The following MGAT5 variants were observed in gnomAD, a reference collection of about 807,000 sequenced individuals.
MGAT5 encodes alpha-1,6-mannosylglycoprotein 6-beta-N-acetylglucosaminyltransferase, also known as alpha-1,6-mannosylglycoprotein 6-beta-N-acetylglucosaminyltransferase A.
MGAT5 carries 30 observed loss-of-function variants against 94.3 expected under a neutral mutation model. The observed-to-expected ratio is 0.32, with a 90% CI of 0.24 to 0.43. The LOEUF is 0.43. Ranked by LOEUF, MGAT5 falls within the 20% of genes least tolerant of loss-of-function variation. The pLI is 1.00. For missense variants in MGAT5, 691 were observed against 905.5 expected (o/e 0.76, Z 3.04); for synonymous variants, 310 against 322.9 (o/e 0.96, Z 0.43).
At chr2:134,366,686 G>A (rs181797121) in intron 10 of MGAT5, among the ~76,000 whole-genome samples, 193 of 152,290 alleles carry the variant, frequency 1.3e-3, no homozygotes, top group Non-Finnish European at 2.0e-3. Context: ...GCAGACTCTG[G>A]TTCATACCTG....
At chr2:134,422,188 T>C (rs1684340489) in intron 12 of MGAT5, among the ~76,000 whole-genome samples, 1 of 152,144 alleles carries the variant, frequency 6.6e-6, no homozygotes, top group African/African-American at 2.4e-5. Flanking sequence ...ACTTCATGAA[T>C]TCAGAATTGT....
At chr2:134,120,697 G>A (rs1158595306) in intron 1 of MGAT5, among the ~76,000 whole-genome samples, 1 of 151,906 alleles carries the variant, frequency 6.6e-6, no homozygotes, top group African/African-American at 2.4e-5. Context: ...GGAGGAGCCC[G>A]GTGGGGGTCA....
At chr2:134,323,215 C>T (rs1687434578) in intron 4 of MGAT5, among the ~76,000 whole-genome samples, 1 of 152,078 alleles carries the variant, frequency 6.6e-6, no homozygotes, top group Admixed American at 6.6e-5. Flanking sequence ...TTAAAATACC[C>T]CCACAGCTGT....
intron 14 of MGAT5, among the ~76,000 whole-genome samples, chr2:134,437,156 T>G (rs1302668420): frequency 6.6e-6 from 1 of 152,090 alleles, no homozygotes. Context: ...GCCTAGCAAT[T>G]TTTTTGGATT....
chr2:134,381,382 T>TTAGTTAGATAGA (rs1275452620), intron 10 of MGAT5, among the ~76,000 whole-genome samples: 1 of 108,512 alleles, frequency 9.2e-6, no homozygotes, highest in African/African-American at 3.3e-5. Context: ...ATAAGATAGA[T>TTAGTTAGATAGA]TAGATAGATA....
In MGAT5 at chr2:134,392,455, C is replaced by T. The variant is rs111571229; in HGVS notation, c.1381-10533C>T. 4.7e-3 allele frequency among the ~76,000 whole-genome samples: 712 copies of T among 152,236 alleles called. 7 individuals are homozygous for T. The highest frequency in any genetic ancestry group is 0.016 in the African/African-American group (672 of 41,538). ...TCAGCTGTCCTTTAAAGGGACCTTA[C>T]GCTGCTATACCTGAATCAGAATCTC... is the stretch of plus-strand genomic sequence containing the variant. On this transcript the variant is annotated intron_variant, in intron 10 of 15. Transcript: ENST00000281923.
rs183099973 is a variant in MGAT5 at position 134,238,040 on chromosome 2, C to T, written c.-142-16222C>T. ...CTGGGATTACAGGCGTGAGCCACTGCGCCCGGCCTCCTTTTTTTCTTTTTC... is the reference window on the plus strand; with the variant it reads ...CTGGGATTACAGGCGTGAGCCACTGTGCCCGGCCTCCTTTTTTTCTTTTTC... On this transcript the variant is annotated intron_variant, in intron 1 of 16. Transcript: ENST00000409645. Among the ~76,000 whole-genome samples the T allele has an allele frequency of 2.8e-3, 426 of 152,188 alleles. 3 individuals carry two copies. The highest frequency in any genetic ancestry group is 6.8e-3 in the Middle Eastern group (2 of 294).
At chr2:134,218,951 G>C (rs893636241) in intron 1 of MGAT5, among the ~76,000 whole-genome samples, 14 of 152,164 alleles carry the variant, frequency 9.2e-5, no homozygotes, top group African/African-American at 3.1e-4. Flanking sequence ...TAAAGGCTGT[G>C]TATCATTTAC....
chr2:134,402,652 G>A (rs952395663), intron 10 of MGAT5, among the ~76,000 whole-genome samples: 6 of 152,110 alleles, frequency 3.9e-5, no homozygotes, highest in Non-Finnish European at 5.9e-5. Context: ...TTAGGTCTGT[G>A]GTAATTTACA....
chr2:134,445,015 AC>A (rs1181307170), intron 15 of MGAT5, among the ~76,000 whole-genome samples: 5 of 152,180 alleles, frequency 3.3e-5, no homozygotes, highest in Non-Finnish European at 7.3e-5. Context: ...TCAGTTCCAT[AC>A]ACAGGAACAT....
chr2:134,260,495 G>A (rs562308186), intron 1 of MGAT5, among the ~76,000 whole-genome samples: 8 of 152,266 alleles, frequency 5.3e-5, no homozygotes, highest in Admixed American at 5.2e-4. Flanking sequence ...TCCAGATAAC[G>A]TTCTGAGATT....
intron 1 of MGAT5, among the ~76,000 whole-genome samples, chr2:134,165,048 G>C (rs891123291): frequency 1.3e-5 from 2 of 152,216 alleles, no homozygotes; most frequent in Non-Finnish European, 2.9e-5. Flanking sequence ...AGAACTTTCT[G>C]TGGTGATGGA....
intron 1 of MGAT5, among the ~76,000 whole-genome samples, chr2:134,227,449 G>C (rs1472780852): frequency 6.6e-6 from 1 of 152,214 alleles, no homozygotes; most frequent in Non-Finnish European, 1.5e-5. Flanking sequence ...TTCCTGGCAG[G>C]TAGGACTTGA....
intron 1 of MGAT5, among the ~76,000 whole-genome samples, chr2:134,213,154 G>A (rs1680288991): frequency 1.3e-5 from 2 of 152,208 alleles, no homozygotes; most frequent in African/African-American, 4.8e-5. Context: ...TTAGAGGAAA[G>A]AAAGGCAGCC....
chr2:134,252,051 A>G (rs966523531), upstream of MGAT5, among the ~76,000 whole-genome samples: 1 of 152,318 alleles, frequency 6.6e-6, no homozygotes, highest in East Asian at 1.9e-4. Context: ...CTGTTGCTGC[A>G]AAAGACAGGA....
At chr2:134,214,739 A>G (rs1338655367) in intron 1 of MGAT5, among the ~76,000 whole-genome samples, 2 of 152,184 alleles carry the variant, frequency 1.3e-5, no homozygotes, top group Non-Finnish European at 2.9e-5. Flanking sequence ...ACAAATATTT[A>G]TGTCGCAACC....
At chr2:134,305,771 CCTT>C (rs1206123690) in intron 2 of MGAT5, among the ~76,000 whole-genome samples, 4 of 152,106 alleles carry the variant, frequency 2.6e-5, no homozygotes, top group South Asian at 2.1e-4. Flanking sequence ...AACACCCTTT[CCTT>C]CTTCTAGTAA....
rs559453415 is a variant in MGAT5 at position 134,323,165 on chromosome 2, T to C, written c.573+4426T>C. ...CCAACTTGTAGTCTATGGATCTTTT[T>C]TGGTTAAATCCCAGGAAGAAAAGCC... On this transcript the variant is annotated intron_variant, in intron 4 of 15. Transcript: ENST00000281923. Among the ~76,000 whole-genome samples the C allele has an allele frequency of 3.9e-5, 6 of 152,288 alleles. No homozygotes were observed. In the East Asian group the frequency reaches 1.2e-3, roughly 29 times the overall value.
chr2:134,251,918 G>GT (rs1283041540), upstream of MGAT5, among the ~76,000 whole-genome samples: 1 of 151,966 alleles, frequency 6.6e-6, no homozygotes, highest in Non-Finnish European at 1.5e-5. Context: ...CCCACCCCTG[G>GT]TAACCACTGT....
Sources: gnomAD v4.1 joint callset for allele counts (sites outside exome capture counted in the v4.1 genomes callset) on GRCh38, gnomAD v4.1.1 for gene constraint, MANE v1.5 for transcripts, NCBI Gene and HGNC (gene_info 2026-07-23, HGNC 2026-07-21) for gene names.